Variants in WNK3 observed in about 807,000 individuals in gnomAD.
The protein encoded by WNK3 is serine/threonine-protein kinase WNK3.
A neutral mutation model predicts 116.7 loss-of-function variants in WNK3; 18 were observed. The observed-to-expected ratio is 0.15, with a 90% CI of 0.11 to 0.23. The LOEUF (loss-of-function observed/expected upper bound fraction) is 0.23, where lower values mean the gene tolerates loss of function less well. Among genes scored for constraint, WNK3 ranks in the 10% least tolerant of loss-of-function variants. The probability of loss-of-function intolerance (pLI) is 1.00; values close to 1 mark genes in which losing one functional copy is unlikely to be tolerated. For synonymous variants in WNK3, 404 were observed against 469.4 expected (o/e 0.86, Z 1.80); for missense variants, 993 against 1,323.8 (o/e 0.75, Z 3.88).
chrX:54,319,486 C>T (rs782753140), intron 2 of WNK3, among the ~76,000 whole-genome samples: 1 of 112,024 alleles, frequency 8.9e-6, no homozygotes, highest in Non-Finnish European at 1.9e-5. Context: ...AATTTTGATG[C>T]CTTCTGATTA....
chrX:54,288,201 A>G (rs933588208), intron 10 of WNK3, among the ~76,000 whole-genome samples: 61 of 111,428 alleles, frequency 5.5e-4, no homozygotes, highest in African/African-American at 2.0e-3. Flanking sequence ...TGCCTGAAGT[A>G]CTTGAGGCTG....
intron 2 of WNK3, among the ~76,000 whole-genome samples, chrX:54,319,417 C>T (rs782428358): frequency 1.8e-5 from 2 of 111,520 alleles, no homozygotes; most frequent in East Asian, 2.8e-4. Flanking sequence ...CCTGCCTCAG[C>T]CTCCCAAAGT....
chrX:54,255,616 C>T (rs1351548380), intron 12 of WNK3, 124 bp downstream of exon 12: 15 of 540,441 alleles, frequency 2.8e-5, no homozygotes, highest in East Asian at 3.9e-5. Flanking sequence ...AAGTCTGTAA[C>T]GGAGAAAAGG....
At chrX:54,238,839 G>A in intron 18 of WNK3, 29 bp downstream of exon 18, 1 of 1,046,845 alleles carries the variant, frequency 9.6e-7, no homozygotes. Flanking sequence ...ATGTTACCTA[G>A]TCTATGTCCC....
intron 20 of WNK3, among the ~76,000 whole-genome samples, chrX:54,233,700 C>G (rs188776727): frequency 9.2e-6 from 1 of 109,059 alleles, no homozygotes; most frequent in Non-Finnish European, 1.9e-5. Context: ...TTTTGCCAGA[C>G]GCAGTGGCTC....
chrX:54,223,302 A>G (rs1448517474), intron 22 of WNK3: 3 of 111,685 alleles, frequency 2.7e-5, no homozygotes, highest in Non-Finnish European at 3.8e-5. Context: ...ATCAGAAATA[A>G]TCTCTCCTCT....
intron 10 of WNK3, among the ~76,000 whole-genome samples, chrX:54,291,637 C>A (rs1308857482): frequency 1.8e-5 from 2 of 111,669 alleles, no homozygotes; most frequent in African/African-American, 6.5e-5. Flanking sequence ...TAAATACTAG[C>A]CAAATATCTG....
chrX:54,307,643 T>C (rs1331617656), intron 5 of WNK3, among the ~76,000 whole-genome samples: 2 of 111,320 alleles, frequency 1.8e-5, no homozygotes, highest in African/African-American at 6.5e-5. Context: ...CTTTGAAAAA[T>C]AAGATCCATC....
At chrX:54,262,599 G>A (rs1557156875) in intron 10 of WNK3, among the ~76,000 whole-genome samples, 1 of 110,763 alleles carries the variant, frequency 9.0e-6, no homozygotes, top group Non-Finnish European at 1.9e-5. Context: ...TGTGCTAAGA[G>A]GCAGTGAGGA....
rs1253641535 is a variant in WNK3, at chrX:54,202,193, T to A, written c.4871A>T (p.Asn1624Ile). 1.3e-5 allele frequency: 15 copies of A among 1,187,550 alleles called. No individual in the cohort carries two copies. Among genetic ancestry groups the A allele is most frequent in the Non-Finnish European group, 1.6e-5 (14 of 881,943 alleles). ...TGCATTACTCTCCACACACAGTGGATCTATAAGACAAAAAAAACAACAACA... is the reference window on the plus strand; with the variant it reads ...TGCATTACTCTCCACACACAGTGGAACTATAAGACAAAAAAAACAACAACA... Residue 1624 changes from asparagine (N) to isoleucine (I), a missense_variant and splice_region_variant, in exon 23 of 24, where the codon AAT becomes ATT. Asn to Ile is a moderately radical substitution (Grantham distance 149, BLOSUM62 -3). Around this residue, in one of 4 missense-constraint regions of WNK3, gnomAD observed 836 missense variants for 976.5 expected, o/e 0.86. Transcript: ENST00000354646.
In WNK3 at chrX:54,309,416, G is replaced by A. The variant is rs2068860888; in HGVS notation, c.711-101C>T. ...CATAAGCAAACAACTTATGCACTAT[G>A]ATTCCCATCACTGAGTTGTTTTCTA... is the stretch of plus-strand genomic sequence containing the variant. On this transcript the variant is annotated intron_variant, in intron 3 of 23. Coordinates refer to ENST00000354646, the Ensembl canonical transcript of WNK3. 5.1e-6 allele frequency: 3 copies of A among 587,184 alleles called. No homozygotes were observed. The Admixed American group carries it at 1.0e-4, about 20-fold the overall frequency. 48.4% of individuals were successfully genotyped at this position (587,184 alleles called of 1,213,427 possible). A position where few individuals can be genotyped will look rare whatever the true frequency, so the allele number is the denominator to read the frequency against.
Position 54,198,276 on chromosome X carries a change from G to A in WNK3, c.*48C>T, listed in dbSNP as rs782122468. 13 of 1,043,325 alleles carry A rather than the reference G, an allele frequency of 1.2e-5. No homozygotes were observed. The East Asian group carries it at 4.2e-4, about 33-fold the overall frequency. The allele number at this position is 1,043,325 out of a possible 1,213,427, so 86.0% of individuals were successfully genotyped here. On this transcript the variant is annotated 3_prime_UTR_variant, in exon 24 of 24. Coordinates refer to ENST00000354646, the Ensembl canonical transcript of WNK3. ...GAAACTTTAATATCTTGGGTGTCCT[G>A]AAAATAATTCTGAAAAAACCTCCCT... is the stretch of plus-strand genomic sequence containing the variant.
At chrX:54,318,513 A>G (rs967835257) in intron 2 of WNK3, among the ~76,000 whole-genome samples, 10 of 110,653 alleles carry the variant, frequency 9.0e-5, no homozygotes, top group African/African-American at 3.3e-4. Flanking sequence ...GGAGTTCAAG[A>G]CCAGCTTGGG....
intron 2 of WNK3, among the ~76,000 whole-genome samples, chrX:54,329,665 A>T (rs2069145106): frequency 9.1e-6 from 1 of 109,767 alleles, no homozygotes; most frequent in Admixed American, 9.8e-5. Context: ...AAAAAAAGTC[A>T]GTATCCTATG....
intron 10 of WNK3, among the ~76,000 whole-genome samples, chrX:54,271,216 C>CTA: frequency 8.9e-6 from 1 of 111,954 alleles, no homozygotes; most frequent in South Asian, 3.7e-4. Context: ...AGAATACCAC[C>CTA]TATAAGCACT....
intron 10 of WNK3, among the ~76,000 whole-genome samples, chrX:54,288,808 A>G (rs782581184): frequency 9.0e-6 from 1 of 111,577 alleles, no homozygotes; most frequent in Non-Finnish European, 1.9e-5. Flanking sequence ...GTTGAAGAAG[A>G]ACTACCTTGG....
At chrX:54,211,733 G>A (rs1232077218) in intron 22 of WNK3, among the ~76,000 whole-genome samples, 3 of 109,677 alleles carry the variant, frequency 2.7e-5, no homozygotes, top group Non-Finnish European at 5.7e-5. Flanking sequence ...GCTTGAGCCC[G>A]GGAGGCGGAG....
chrX:54,215,041 C>A (rs2067668125), intron 22 of WNK3, among the ~76,000 whole-genome samples: 1 of 97,937 alleles, frequency 1.0e-5, no homozygotes, highest in South Asian at 5.6e-4. Flanking sequence ...GGTGTGAACC[C>A]GGGAGGCGGA....
At chrX:54,333,453 G>A in exon 2 of WNK3, 1 of 1,211,343 alleles carries the variant, frequency 8.3e-7, no homozygotes, top group South Asian at 1.8e-5. Context: ...TTTGGGGGAT[G>A]ATTCGGCAAC....
Sources: allele counts gnomAD v4.1 joint callset (sites outside exome capture counted in the v4.1 genomes callset), GRCh38; gene constraint gnomAD v4.1.1; regional missense constraint gnomAD v4.1.1; transcripts MANE v1.5; gene names NCBI Gene and HGNC (gene_info 2026-07-23, HGNC 2026-07-21).